The following DNAI4 variants were observed in gnomAD, a reference collection of about 807,000 sequenced individuals.
DNAI4 encodes the protein dynein axonemal intermediate chain 4, also known as WD repeat domain 78.
DNAI4 carries 85 observed loss-of-function variants against 105.8 expected under a neutral mutation model. The ratio of observed to expected loss-of-function variants is 0.80; its 90% CI spans 0.67 to 0.96. DNAI4 has a LOEUF of 0.96. Ranked by LOEUF, DNAI4 falls within the 40% of genes least tolerant of loss-of-function variation. DNAI4 has a pLI of 0.00. For synonymous variants in DNAI4, 352 were observed against 331.5 expected, an observed-to-expected ratio of 1.06 and a Z score of -0.67; for missense variants, 1,014 against 1,005.6, an observed-to-expected ratio of 1.01 and a Z score of -0.11.
intron 1 of DNAI4, among the ~76,000 whole-genome samples, chr1:66,918,532 C>T (rs1569902458): frequency 7.7e-6 from 1 of 129,468 alleles, no homozygotes; most frequent in Non-Finnish European, 1.7e-5. Context: ...AACCTATTTA[C>T]ATACATAAGC....
At chr1:66,918,232 C>T (rs1431409190) in intron 1 of DNAI4, among the ~76,000 whole-genome samples, 3 of 152,160 alleles carry the variant, frequency 2.0e-5, no homozygotes, top group African/African-American at 7.2e-5. Context: ...CATGATTTGT[C>T]TTTAGTAAAA....
intron 16 of DNAI4, among the ~76,000 whole-genome samples, chr1:66,816,550 CA>C (rs550831933): frequency 5.9e-5 from 9 of 151,834 alleles, no homozygotes; most frequent in Non-Finnish European, 1.3e-4. Flanking sequence ...CTGTAAGTAA[CA>C]AAAAAACTAA....
At chr1:66,844,084 CAA>C (rs55925419) in intron 8 of DNAI4, among the ~76,000 whole-genome samples, 11 of 66,356 alleles carry the variant, frequency 1.7e-4, no homozygotes, top group South Asian at 6.4e-4. Flanking sequence ...ACTGGAGATT[CAA>C]AAAAAAAAAA....
chr1:66,842,063 T>C (rs572651079), intron 8 of DNAI4, among the ~76,000 whole-genome samples: 3 of 152,296 alleles, frequency 2.0e-5, no homozygotes, highest in South Asian at 2.1e-4. Flanking sequence ...CCCAAAACGT[T>C]ATATAGTCGG....
chr1:66,854,812 T>C (rs1646467094), intron 7 of DNAI4, among the ~76,000 whole-genome samples: 1 of 151,944 alleles, frequency 6.6e-6, no homozygotes, highest in Admixed American at 6.6e-5. Context: ...TCAAAATAAA[T>C]ATGTAAATAA....
intron 8 of DNAI4, among the ~76,000 whole-genome samples, chr1:66,841,271 C>T (rs1430496995): frequency 2.0e-5 from 3 of 151,964 alleles, no homozygotes; most frequent in Admixed American, 1.3e-4. Context: ...AATTGATATA[C>T]CCCTGAAGTA....
intron 8 of DNAI4, 78 bp downstream of exon 8, chr1:66,847,406 C>T: frequency 7.1e-7 from 1 of 1,400,704 alleles, no homozygotes; most frequent in Non-Finnish European, 9.7e-7. Context: ...CAATCCTCTT[C>T]CTCAGCCTCC....
chr1:66,901,768 G>A (rs1648840429), intron 2 of DNAI4, among the ~76,000 whole-genome samples: 1 of 152,106 alleles, frequency 6.6e-6, no homozygotes, highest in African/African-American at 2.4e-5. Context: ...AAGGTTTGGA[G>A]GAATCACGAT....
At chr1:66,900,252 C>T (rs1648696263) in intron 2 of DNAI4, among the ~76,000 whole-genome samples, 2 of 151,952 alleles carry the variant, frequency 1.3e-5, no homozygotes, top group South Asian at 4.2e-4. Context: ...CAGGCATGCA[C>T]CACCACACCC....
At chr1:66,867,455 T>A (rs1646756482) in intron 6 of DNAI4, among the ~76,000 whole-genome samples, 1 of 152,200 alleles carries the variant, frequency 6.6e-6, no homozygotes, top group African/African-American at 2.4e-5. Flanking sequence ...TTCTCTTAGA[T>A]TTTCCATCTC....
At chr1:66,840,182 C>G (rs776001070) in intron 9 of DNAI4, among the ~76,000 whole-genome samples, 1 of 152,136 alleles carries the variant, frequency 6.6e-6, no homozygotes, top group Non-Finnish European at 1.5e-5. Context: ...TCATATCTAA[C>G]ATGAATTCAG....
At chr1:66,899,608 G>C (rs114353460) in intron 2 of DNAI4, among the ~76,000 whole-genome samples, 2 of 151,860 alleles carry the variant, frequency 1.3e-5, no homozygotes, top group African/African-American at 4.8e-5. Flanking sequence ...TTTTTCTTTT[G>C]TTACGTATGC....
rs1010498231 is a variant in DNAI4, at chr1:66,890,876, G to GAAGAAA, written c.643+277_643+278insTTTCTT. 6.4e-6 allele frequency: 3 copies of GAAGAAA among 465,126 alleles called. No homozygotes were observed. Among genetic ancestry groups the GAAGAAA allele is most frequent in the African/African-American group, 6.1e-5 (3 of 49,586 alleles). The allele number at this position is 465,126 out of a possible 1,614,324, so 28.8% of individuals were successfully genotyped here. ...AGAAGAAGAGGAAGAGGAAGAAGAA[G>GAAGAAA]AAGAAGAAGCAGAAGCAGCAGCAGC... On this transcript the variant is annotated intron_variant, in intron 4 of 16. Transcript: ENST00000371026. The surrounding 1 kb of genome is among the most constrained non-coding windows in gnomAD (Gnocchi z 4.1).
chr1:66,851,860 A>T (rs1448987505), intron 7 of DNAI4, among the ~76,000 whole-genome samples: 1 of 151,930 alleles, frequency 6.6e-6, no homozygotes, highest in Non-Finnish European at 1.5e-5. Context: ...TAAGTTCCCA[A>T]ATTGAGAATA....
chr1:66,834,031 T>C lies in DNAI4; in HGVS notation c.1851A>G (p.Arg617=). Residue 617 remains arginine (R), a synonymous_variant, in exon 12 of 17, where the codon AGA becomes AGG. Transcript: ENST00000371026. The part of the protein sequence containing the change: ...EILVSISADG[R]ISKWVIRKGL... Reference sequence around the variant, plus strand: ...CTTTTCGTATAACCCATTTGGAGATTCTTCCATCTGCTGATATAGAAACTA... The same window carrying C: ...CTTTTCGTATAACCCATTTGGAGATCCTTCCATCTGCTGATATAGAAACTA... 1 of 1,610,680 alleles carries C rather than the reference T, an allele frequency of 6.2e-7. No individual in the cohort carries two copies. Among genetic ancestry groups the C allele is most frequent in the Non-Finnish European group, 8.5e-7 (1 of 1,178,862 alleles).
chr1:66,835,920 T>G, intron 10 of DNAI4, 143 bp from the exon 11 acceptor site: 1 of 682,052 alleles, frequency 1.5e-6, no homozygotes, highest in Non-Finnish European at 2.5e-6. Context: ...CTTCCTAATT[T>G]CCAGTATAGA....
In DNAI4 at chr1:66,874,916, G is replaced by C; in HGVS notation, c.665C>G (p.Ala222Gly). ...TTCTTTTGTTACAATTTTTTCAGGT[G>C]CTGCCCTTATAACTTGCAAATCTAA... ...SFTDLQVIRA[A>G]PEKIVTKEDL... The change falls in exon 5 of 17, where the codon GCA (alanine) becomes GGA (glycine). Residue 222 changes from alanine to glycine, a missense_variant. Coordinates refer to ENST00000371026, the MANE Select transcript of DNAI4 (RefSeq NM_024763.5). The C allele has an allele frequency of 6.2e-7, 1 of 1,605,070 alleles. No individual in the cohort carries two copies. Among genetic ancestry groups the C allele is most frequent in the Non-Finnish European group, 8.5e-7 (1 of 1,177,620 alleles).
chr1:66,858,977 A>G (rs1323966295), intron 7 of DNAI4, among the ~76,000 whole-genome samples: 1 of 152,148 alleles, frequency 6.6e-6, no homozygotes, highest in Admixed American at 6.5e-5. Context: ...TGTAAAAAAG[A>G]AAAAAATTGA....
chr1:66,830,976 C>CA (rs71242799), intron 13 of DNAI4, among the ~76,000 whole-genome samples: 2,351 of 81,812 alleles, frequency 0.029, 93 homozygotes, highest in Middle Eastern at 0.093. Context: ...GACTCTGTCA[C>CA]AAAAAAAAAA....
Sources: allele counts gnomAD v4.1 joint callset (sites outside exome capture counted in the v4.1 genomes callset), GRCh38; gene constraint gnomAD v4.1.1; non-coding constraint Gnocchi (gnomAD v3.1); transcripts MANE v1.5; gene names NCBI Gene and HGNC (gene_info 2026-07-23, HGNC 2026-07-21).